The following SYT9 variants were observed in gnomAD, a reference collection of about 807,000 sequenced individuals.
The protein encoded by SYT9 is synaptotagmin-9.
Under a neutral mutation model 48.4 loss-of-function variants are expected in SYT9, and 22 were observed. That is an observed-to-expected ratio of 0.45 (90% CI 0.32 to 0.65). SYT9 has a LOEUF of 0.65. Among genes scored for constraint, SYT9 ranks in the 30% least tolerant of loss-of-function variants. The pLI, the probability that SYT9 is intolerant of heterozygous loss-of-function variation, is 0.03. For synonymous variants in SYT9, 265 were observed against 245.0 expected (o/e 1.08, Z -0.76); for missense variants, 577 against 622.0 (o/e 0.93, Z 0.77).
At chr11:7,409,636 G>C (rs1381694366) in intron 3 of SYT9, among the ~76,000 whole-genome samples, 1 of 151,978 alleles carries the variant, frequency 6.6e-6, no homozygotes, top group Non-Finnish European at 1.5e-5. Flanking sequence ...CATTCTCCTA[G>C]GTTTTCTGGT....
At chr11:7,330,548 G>A (rs1442689076) in intron 3 of SYT9, among the ~76,000 whole-genome samples, 5 of 152,212 alleles carry the variant, frequency 3.3e-5, no homozygotes, top group East Asian at 1.9e-4. Context: ...AGTGACCGTC[G>A]AGTTTGAAGA....
chr11:7,267,534 G>C (rs557536168), intron 1 of SYT9, among the ~76,000 whole-genome samples: 1 of 151,506 alleles, frequency 6.6e-6, no homozygotes, highest in African/African-American at 2.4e-5. Context: ...AATCAGAAAT[G>C]GACACTGAAA....
At chr11:7,460,937 C>A (rs563076173) in intron 6 of SYT9, among the ~76,000 whole-genome samples, 2 of 152,140 alleles carry the variant, frequency 1.3e-5, no homozygotes, top group African/African-American at 4.8e-5. Context: ...GATTTGAGTC[C>A]CAAATTGCAG....
At chr11:7,304,694 G>A (rs143625186) in intron 2 of SYT9, among the ~76,000 whole-genome samples, 5 of 152,284 alleles carry the variant, frequency 3.3e-5, no homozygotes, top group African/African-American at 7.2e-5. Flanking sequence ...GTGAGGAGAT[G>A]GGTAGTTGTC....
chr11:7,286,439 T>G (rs1310633143), intron 1 of SYT9, among the ~76,000 whole-genome samples: 2 of 152,140 alleles, frequency 1.3e-5, no homozygotes, highest in African/African-American at 2.4e-5. Context: ...AAACCATTTT[T>G]CCCTCCCAGG....
intron 3 of SYT9, among the ~76,000 whole-genome samples, chr11:7,375,990 A>T (rs572345514): frequency 1.3e-5 from 2 of 152,014 alleles, no homozygotes; most frequent in African/African-American, 2.4e-5. Flanking sequence ...TTAAAATTTT[A>T]TTTCTTTCTG....
chr11:7,438,428 A>T (rs1401980651), intron 6 of SYT9: 1 of 152,288 alleles, frequency 6.6e-6, no homozygotes, highest in Admixed American at 6.5e-5. Context: ...CAGGATTCAG[A>T]GGCAGCCATG....
intron 6 of SYT9, among the ~76,000 whole-genome samples, chr11:7,449,810 T>A (rs12573923): frequency 0.19 from 28,659 of 151,778 alleles, 3,528 homozygotes; most frequent in African/African-American, 0.35. Flanking sequence ...CTGAACTGTC[T>A]CTCCTCATGT....
intron 2 of SYT9, among the ~76,000 whole-genome samples, chr11:7,308,081 T>G (rs891169618): frequency 2.6e-5 from 4 of 152,204 alleles, no homozygotes; most frequent in African/African-American, 9.6e-5. Context: ...CTATCCAGGA[T>G]TTCCCCTTCT....
chr11:7,239,438 A>G (rs1340363530), intron 1 of SYT9, among the ~76,000 whole-genome samples: 1 of 152,070 alleles, frequency 6.6e-6, no homozygotes, highest in Non-Finnish European at 1.5e-5. Context: ...CATTAGCCCT[A>G]ATTATGTCAG....
chr11:7,257,527 T>C (rs1272235581), intron 1 of SYT9, among the ~76,000 whole-genome samples: 3 of 152,098 alleles, frequency 2.0e-5, no homozygotes, highest in Admixed American at 6.6e-5. Flanking sequence ...TAATTAAATA[T>C]AGTTTCTATG....
At chr11:7,239,443 T>A (rs1296716426) in intron 1 of SYT9, among the ~76,000 whole-genome samples, 1 of 152,164 alleles carries the variant, frequency 6.6e-6, no homozygotes, top group African/African-American at 2.4e-5. Flanking sequence ...GCCCTAATTA[T>A]GTCAGATGCT....
intron 6 of SYT9, among the ~76,000 whole-genome samples, chr11:7,426,579 T>C (rs1847462470): frequency 6.6e-6 from 1 of 152,180 alleles, no homozygotes; most frequent in African/African-American, 2.4e-5. Context: ...TAAAGTTACA[T>C]GGTCATTTCT....
Position 7,313,311 on chromosome 11 carries a change from T to G in SYT9, c.498-84T>G. The G allele has an allele frequency of 5.8e-6, 8 of 1,384,288 alleles. No individual in the cohort carries two copies. The East Asian group carries it at 1.7e-4, about 29-fold the overall frequency. 85.8% of individuals were successfully genotyped at this position (1,384,288 alleles called of 1,614,324 possible). On this transcript the variant is annotated intron_variant, in intron 2 of 6. Transcript: ENST00000318881. ...CTAAGCTCCTGACAAAATATAACAG[T>G]CTACCTACATCCCAGGCAAAAGTTT...
intron 3 of SYT9, among the ~76,000 whole-genome samples, chr11:7,340,842 G>A (rs1288328446): frequency 6.6e-6 from 1 of 152,220 alleles, no homozygotes; most frequent in Non-Finnish European, 1.5e-5. Context: ...TAGGCCAGGA[G>A]GCCACATCCA....
intron 3 of SYT9, among the ~76,000 whole-genome samples, chr11:7,346,060 C>CTGGATT (rs1849794014): frequency 6.6e-6 from 1 of 152,182 alleles, no homozygotes. Context: ...AAAGAACCCA[C>CTGGATT]TGGATTATGT....
At chr11:7,267,169 A>T (rs1762064085) in intron 1 of SYT9, among the ~76,000 whole-genome samples, 1 of 152,042 alleles carries the variant, frequency 6.6e-6, no homozygotes, top group South Asian at 2.1e-4. Flanking sequence ...TGAATATATA[A>T]AACCAAGTTT....
intron 3 of SYT9, among the ~76,000 whole-genome samples, chr11:7,330,108 C>A (rs1487784775): frequency 1.3e-5 from 2 of 152,062 alleles, no homozygotes; most frequent in African/African-American, 4.8e-5. Flanking sequence ...ATGTTCATAG[C>A]AGCTTTACTC....
At chr11:7,409,269 T>C (rs917960886) in intron 3 of SYT9, among the ~76,000 whole-genome samples, 2 of 152,310 alleles carry the variant, frequency 1.3e-5, no homozygotes, top group South Asian at 4.2e-4. Context: ...TCATGGTATA[T>C]TATCTTTTTG....
Sources: gnomAD v4.1 joint callset for allele counts (sites outside exome capture counted in the v4.1 genomes callset) on GRCh38, gnomAD v4.1.1 for gene constraint, MANE v1.5 for transcripts, NCBI Gene and HGNC (gene_info 2026-07-23, HGNC 2026-07-21) for gene names.